Variants in ANKRD28 observed in about 807,000 individuals in gnomAD.
ANKRD28 encodes the protein ankyrin repeat domain 28.
In ANKRD28, 44 loss-of-function variants were observed where a neutral mutation model predicts 126.5. The observed-to-expected ratio is 0.35, with a 90% CI of 0.27 to 0.45. The LOEUF is 0.45. Among genes scored for constraint, ANKRD28 ranks in the 20% least tolerant of loss-of-function variants. The pLI is 1.00. For missense variants in ANKRD28, 1,110 were observed against 1,316.6 expected, an observed-to-expected ratio of 0.84 and a Z score of 2.43; for synonymous variants, 442 against 468.5, an observed-to-expected ratio of 0.94 and a Z score of 0.73.
At chr3:15,796,231 G>A (rs2060267906) in intron 1 of ANKRD28, among the ~76,000 whole-genome samples, 174 bp downstream of exon 1, 1 of 151,968 alleles carries the variant, frequency 6.6e-6, no homozygotes, top group Non-Finnish European at 1.5e-5. Context: ...ATTCAAAAAA[G>A]TAAAAACGAA....
In ANKRD28 at chr3:15,796,822, T is replaced by A; in HGVS notation, c.-301A>T. The A allele has an allele frequency of 1.0e-6, 1 of 988,110 alleles. No individual in the cohort carries two copies. The highest frequency in any genetic ancestry group is 1.1e-4 in the East Asian group (1 of 8,904). 61.2% of individuals were successfully genotyped at this position (988,110 alleles called of 1,614,324 possible). On this transcript the variant is annotated 5_prime_UTR_variant, in exon 1 of 28. Coordinates refer to ENST00000683139, the MANE Select transcript of ANKRD28 (RefSeq NM_001349278.2). ...AACTAAAACTGAGTCCAAGCTCATTTAAAAATATTTTTCCTCTACCAAAAT... is the reference window on the plus strand; with the variant it reads ...AACTAAAACTGAGTCCAAGCTCATTAAAAAATATTTTTCCTCTACCAAAAT...
At chr3:15,811,305 C>T (rs532306688) in intron 1 of ANKRD28, among the ~76,000 whole-genome samples, 5 of 152,234 alleles carry the variant, frequency 3.3e-5, no homozygotes, top group Admixed American at 3.3e-4. Flanking sequence ...GACTTAAGTA[C>T]TCAACTCATT....
chr3:15,760,077 C>T (rs1241118373), intron 3 of ANKRD28, among the ~76,000 whole-genome samples: 1 of 152,058 alleles, frequency 6.6e-6, no homozygotes, highest in African/African-American at 2.4e-5. Context: ...ACTCATTGAT[C>T]TAAGAAGCTG....
At position 15,686,325 on chromosome 3, in the gene ANKRD28, TA is replaced by T; in HGVS notation, c.1964-17del. On this transcript the variant is annotated splice_polypyrimidine_tract_variant and intron_variant, in intron 18 of 27. Coordinates refer to ENST00000683139, the MANE Select transcript of ANKRD28 (RefSeq NM_001349278.2). ...CCATTTGTTGCTGTAAAGTGAAATT[TA>T]AACATTTCAGTAATTACATATAATG... is the stretch of plus-strand genomic sequence containing the variant. 1 of 1,528,684 alleles carries T rather than the reference TA, an allele frequency of 6.5e-7. No homozygotes were observed. Among genetic ancestry groups the T allele is most frequent in the Non-Finnish European group, 8.9e-7 (1 of 1,122,122 alleles). The allele number at this position is 1,528,684 out of a possible 1,614,324, so 94.7% of individuals were successfully genotyped here.
At chr3:15,699,511 T>C (rs960012574) in intron 14 of ANKRD28, among the ~76,000 whole-genome samples, 42 of 152,038 alleles carry the variant, frequency 2.8e-4, no homozygotes, top group Admixed American at 2.0e-4. Flanking sequence ...AGGGCTAATA[T>C]CCAGAATCTA....
At chr3:15,677,791 T>C (rs1277135292) in intron 24 of ANKRD28, among the ~76,000 whole-genome samples, 1 of 152,238 alleles carries the variant, frequency 6.6e-6, no homozygotes, top group African/African-American at 2.4e-5. Flanking sequence ...ACATTTATTT[T>C]GTGACTGTGC....
intron 1 of ANKRD28, among the ~76,000 whole-genome samples, chr3:15,844,339 C>T (rs529472771): frequency 3.4e-4 from 52 of 151,758 alleles, no homozygotes; most frequent in African/African-American, 1.1e-3. Flanking sequence ...CAGTTTGTGG[C>T]GAAAGGGAAC....
rs1453688914 is a variant in ANKRD28, at chr3:15,850,202, AAAATAT to A, written c.27+9169_27+9174del. On this transcript the variant is annotated intron_variant, in intron 1 of 27. Transcript: ENST00000399451. ...TATCTACATGCAATAAAAAAAAAAA[AAAATAT>A]ATATATATATATATATAGAGAGAGA... 5.9e-3 allele frequency among the ~76,000 whole-genome samples: 324 copies of A among 55,080 alleles called. 6 individuals carry two copies. The highest frequency in any genetic ancestry group is 0.011 in the Middle Eastern group (1 of 88). The allele number at this position is 55,080 out of a possible 152,430, so 36.1% of individuals were successfully genotyped here. A position where few individuals can be genotyped will look rare whatever the true frequency, so the allele number is the denominator to read the frequency against.
intron 2 of ANKRD28, among the ~76,000 whole-genome samples, chr3:15,773,853 AC>A (rs941270937): frequency 9.2e-5 from 14 of 152,136 alleles, no homozygotes; most frequent in Admixed American, 8.5e-4. Context: ...AGAAAGACAA[AC>A]TAAAAAGGCA....
At chr3:15,777,357 C>T (rs1052708353) in intron 2 of ANKRD28, among the ~76,000 whole-genome samples, 2 of 151,966 alleles carry the variant, frequency 1.3e-5, no homozygotes, top group Non-Finnish European at 2.9e-5. Context: ...ATGCCCCCTC[C>T]CCAAAGCATC....
rs991041750 is a variant in ANKRD28 at position 15,812,219 on chromosome 3, G to C, written c.28-16913C>G. Among the ~76,000 whole-genome samples, 1 of 152,042 alleles carries C rather than the reference G, an allele frequency of 6.6e-6. No homozygotes were observed. The highest frequency in any genetic ancestry group is 1.5e-5 in the Non-Finnish European group (1 of 67,982). Reference sequence around the variant, plus strand: ...AAATGTTTCTAAGATGATAATCAAAGATGGCATCATAGAGCTGGGCACAGC... The same window carrying C: ...AAATGTTTCTAAGATGATAATCAAACATGGCATCATAGAGCTGGGCACAGC... On this transcript the variant is annotated intron_variant, in intron 1 of 27. Coordinates refer to the ANKRD28 transcript ENST00000399451. The surrounding 1 kb of genome is among the most constrained non-coding windows in gnomAD (Gnocchi z 4.1).
chr3:15,697,749 A>G (rs1029673216), intron 14 of ANKRD28, among the ~76,000 whole-genome samples: 10 of 152,238 alleles, frequency 6.6e-5, no homozygotes, highest in African/African-American at 2.4e-4. Context: ...GCCTCATAAA[A>G]TGAGTTAGGG....
chr3:15,742,049 C>A (rs1240067550), intron 4 of ANKRD28, among the ~76,000 whole-genome samples: 16 of 152,182 alleles, frequency 1.1e-4, no homozygotes, highest in Non-Finnish European at 2.1e-4. Flanking sequence ...CTCAATGGTG[C>A]CCAGGCTGGA....
At chr3:15,746,490 T>C (rs1301867560) in intron 4 of ANKRD28, among the ~76,000 whole-genome samples, 2 of 152,214 alleles carry the variant, frequency 1.3e-5, no homozygotes, top group Non-Finnish European at 2.9e-5. Flanking sequence ...TTTTTAATTC[T>C]GTTTATGTGG....
At chr3:15,723,248 G>A (rs559957638) in intron 7 of ANKRD28, among the ~76,000 whole-genome samples, 104 of 152,222 alleles carry the variant, frequency 6.8e-4, no homozygotes, top group African/African-American at 2.3e-3. Flanking sequence ...CTTGCTTCAG[G>A]CAAAGTGTTT....
chr3:15,705,928 G>T (rs1430285344), intron 14 of ANKRD28, among the ~76,000 whole-genome samples: 5 of 152,114 alleles, frequency 3.3e-5, no homozygotes, highest in African/African-American at 1.2e-4. Context: ...GTGAACCTGG[G>T]AGGTGGAAGC....
intron 2 of ANKRD28, among the ~76,000 whole-genome samples, chr3:15,770,820 A>G (rs1401965000): frequency 6.6e-6 from 1 of 152,208 alleles, no homozygotes; most frequent in Admixed American, 6.5e-5. Context: ...TTACTTCTAT[A>G]TTAACTGAAA....
At chr3:15,696,332 A>G in intron 14 of ANKRD28, 87 bp from the exon 15 acceptor site, 2 of 805,810 alleles carry the variant, frequency 2.5e-6, no homozygotes, top group Non-Finnish European at 1.9e-6. Flanking sequence ...AAAACTGACA[A>G]TTTTTCTTAT....
chr3:15,813,541 T>G (rs1045082924), intron 1 of ANKRD28, among the ~76,000 whole-genome samples: 1 of 152,204 alleles, frequency 6.6e-6, no homozygotes, highest in Non-Finnish European at 1.5e-5. Flanking sequence ...TACAGCATAC[T>G]GCACCTTGGT....
Sources: gnomAD v4.1 joint callset for allele counts (sites outside exome capture counted in the v4.1 genomes callset) on GRCh38, gnomAD v4.1.1 for gene constraint, Gnocchi (gnomAD v3.1) non-coding constraint, MANE v1.5 for transcripts, NCBI Gene and HGNC (gene_info 2026-07-23, HGNC 2026-07-21) for gene names.